Variants in COG5 observed in about 807,000 individuals in gnomAD.
The protein encoded by COG5 is conserved oligomeric Golgi complex subunit 5.
A neutral mutation model predicts 110.4 loss-of-function variants in COG5; 86 were observed. That is an observed-to-expected ratio of 0.78 (90% CI 0.65 to 0.93). The LOEUF is 0.93. Ranked by LOEUF, COG5 falls within the 40% of genes least tolerant of loss-of-function variation. The probability of loss-of-function intolerance (pLI) is 0.00; values close to 1 mark genes in which losing one functional copy is unlikely to be tolerated. For missense variants in COG5, 1,077 were observed against 987.0 expected, an observed-to-expected ratio of 1.09 and a Z score of -1.22; for synonymous variants, 360 against 334.6, an observed-to-expected ratio of 1.08 and a Z score of -0.83.
chr7:107,308,974 T>G (rs1807975193), intron 11 of COG5, among the ~76,000 whole-genome samples: 1 of 152,088 alleles, frequency 6.6e-6, no homozygotes, highest in South Asian at 2.1e-4. Context: ...GCCCCAGATC[T>G]GGAATCAGCC....
chr7:107,521,850 C>T (rs1420811064), intron 6 of COG5, among the ~76,000 whole-genome samples: 3 of 152,194 alleles, frequency 2.0e-5, no homozygotes, highest in African/African-American at 7.2e-5. Context: ...TACTGCAGCA[C>T]TACTTACAGT....
intron 6 of COG5, among the ~76,000 whole-genome samples, chr7:107,413,007 GT>G (rs918463232): frequency 7.4e-5 from 11 of 148,066 alleles, no homozygotes; most frequent in Admixed American, 4.7e-4. Flanking sequence ...TGCTGCTGTT[GT>G]TTTTTTTTTA....
intron 6 of COG5, among the ~76,000 whole-genome samples, chr7:107,522,815 T>C (rs1800433699): frequency 1.3e-5 from 2 of 152,188 alleles, no homozygotes; most frequent in South Asian, 4.1e-4. Flanking sequence ...GACTATTTTT[T>C]TCTCTACTAA....
At chr7:107,512,876 C>T (rs1357550982) in intron 6 of COG5, among the ~76,000 whole-genome samples, 11 of 151,272 alleles carry the variant, frequency 7.3e-5, no homozygotes, top group Non-Finnish European at 1.2e-4. Context: ...CCCTTCCTTA[C>T]ACCTTATACA....
At chr7:107,397,358 A>G (rs1263508996) in intron 7 of COG5, among the ~76,000 whole-genome samples, 1 of 152,214 alleles carries the variant, frequency 6.6e-6, no homozygotes, top group African/African-American at 2.4e-5. Flanking sequence ...TGGAAAAAAG[A>G]AAGGCCTGAA....
chr7:107,554,233 G>T (rs1313888430), intron 3 of COG5, 52 bp downstream of exon 3: 2 of 1,536,940 alleles, frequency 1.3e-6, no homozygotes, highest in East Asian at 2.2e-5. Context: ...GCCAAAGCTT[G>T]CCAATCCCTG....
intron 7 of COG5, among the ~76,000 whole-genome samples, chr7:107,377,292 AT>A (rs770025790): frequency 6.6e-6 from 1 of 152,140 alleles, no homozygotes; most frequent in Non-Finnish European, 1.5e-5. Flanking sequence ...TCCTAGTGTC[AT>A]TTTTGATATG....
intron 12 of COG5, among the ~76,000 whole-genome samples, chr7:107,285,394 C>A (rs910371381): frequency 2.6e-5 from 4 of 152,182 alleles, no homozygotes; most frequent in South Asian, 2.1e-4. Context: ...ATTATAAGAA[C>A]TAACACTTTC....
rs1806702183 is a variant in COG5 at position 107,295,944 on chromosome 7, C to T, written c.1313+2198G>A. On this transcript the variant is annotated intron_variant, in intron 12 of 21. Coordinates refer to ENST00000297135, the MANE Select transcript of COG5 (RefSeq NM_006348.5). Reference sequence around the variant, plus strand: ...TAGCTGGGATTACAGGCATGCACCACCACGCCTACATAATTTTTTGTTTTT... The same window carrying T: ...TAGCTGGGATTACAGGCATGCACCATCACGCCTACATAATTTTTTGTTTTT... 2.6e-5 allele frequency among the ~76,000 whole-genome samples: 4 copies of T among 152,160 alleles called. No homozygotes were observed. The South Asian group carries it at 8.3e-4, about 32-fold the overall frequency.
Position 107,546,435 on chromosome 7 carries a change from G to GTTTTTTTTTTTTTTT in COG5, c.417+1661_417+1675dup, listed in dbSNP as rs754919944. Among the ~76,000 whole-genome samples the GTTTTTTTTTTTTTTT allele has an allele frequency of 6.5e-4, 78 of 119,514 alleles. 2 individuals carry two copies. The highest frequency in any genetic ancestry group is 1.1e-3 in the Non-Finnish European group (63 of 58,260). The allele number at this position is 119,514 out of a possible 152,430, so 78.4% of individuals were successfully genotyped here. On this transcript the variant is annotated intron_variant, in intron 5 of 21. Transcript: ENST00000297135. ...ACCAAGAGTTGTGTTTTGGTTTTTT[G>GTTTTTTTTTTTTTTT]TTTTTTTTTTTTTTTTTTGAGACAA...
At chr7:107,460,979 C>G (rs1459819085) in intron 6 of COG5, among the ~76,000 whole-genome samples, 1 of 151,922 alleles carries the variant, frequency 6.6e-6, no homozygotes, top group Non-Finnish European at 1.5e-5. Flanking sequence ...CATAAAACTT[C>G]TTGGCTCAAA....
At chr7:107,542,557 A>G (rs117002635) in intron 5 of COG5, among the ~76,000 whole-genome samples, 1,696 of 152,364 alleles carry the variant, frequency 0.011, 21 homozygotes, top group Middle Eastern at 0.027. Context: ...GAGCCAACAT[A>G]TATTTGTAAA....
intron 7 of COG5, among the ~76,000 whole-genome samples, chr7:107,408,828 C>T (rs1792060950): frequency 6.6e-6 from 1 of 152,132 alleles, no homozygotes; most frequent in Non-Finnish European, 1.5e-5. Context: ...TGGGCAGTTT[C>T]CTGACATGGA....
chr7:107,282,647 G>A (rs1311635481), intron 13 of COG5, among the ~76,000 whole-genome samples: 1 of 151,968 alleles, frequency 6.6e-6, no homozygotes, highest in African/African-American at 2.4e-5. Flanking sequence ...TCAGCCTCCC[G>A]AGTAGCTGGG....
rs1363509192 is a variant in COG5 at position 107,203,491 on chromosome 7, G to A, written c.*25C>T. ...AACTATGAATGGGTTAGCACAAAGT[G>A]GAGATGAACAAAGATTTCATGTCAT... is the stretch of plus-strand genomic sequence containing the variant. On this transcript the variant is annotated 3_prime_UTR_variant, in exon 22 of 22. Coordinates refer to ENST00000297135, the MANE Select transcript of COG5 (RefSeq NM_006348.5). 1 of 1,498,856 alleles carries A rather than the reference G, an allele frequency of 6.7e-7. No homozygotes were observed. The highest frequency in any genetic ancestry group is 1.1e-5 in the South Asian group (1 of 88,800). The allele number at this position is 1,498,856 out of a possible 1,614,324, so 92.8% of individuals were successfully genotyped here.
chr7:107,426,872 T>C (rs1793677120), intron 6 of COG5, among the ~76,000 whole-genome samples: 1 of 152,164 alleles, frequency 6.6e-6, no homozygotes, highest in Non-Finnish European at 1.5e-5. Context: ...AATAAATCCT[T>C]TCTACTTAAA....
At chr7:107,340,043 T>C (rs905454742) in intron 10 of COG5, among the ~76,000 whole-genome samples, 4 of 150,636 alleles carry the variant, frequency 2.7e-5, no homozygotes, top group Non-Finnish European at 4.4e-5. Context: ...CTGAACAAAA[T>C]TGAGGCCCAA....
At chr7:107,297,442 C>CT (rs1806847100) in intron 12 of COG5, among the ~76,000 whole-genome samples, 1 of 99,622 alleles carries the variant, frequency 1.0e-5, no homozygotes, top group Admixed American at 1.0e-4. Flanking sequence ...GTACATTCTG[C>CT]CTTTTTTTTT....
intron 8 of COG5, among the ~76,000 whole-genome samples, chr7:107,369,744 A>G (rs1813958180): frequency 6.6e-6 from 1 of 152,186 alleles, no homozygotes; most frequent in African/African-American, 2.4e-5. Context: ...ATATTCTTAG[A>G]AAGTATAACA....
Sources: allele counts gnomAD v4.1 joint callset (sites outside exome capture counted in the v4.1 genomes callset), GRCh38; gene constraint gnomAD v4.1.1; transcripts MANE v1.5; gene names NCBI Gene and HGNC (gene_info 2026-07-23, HGNC 2026-07-21).